The following WDR82 variants were observed in gnomAD, a reference collection of about 807,000 sequenced individuals.
The protein encoded by WDR82 is WD repeat domain 82, also known as WD repeat-containing protein 82.
A neutral mutation model predicts 36.1 loss-of-function variants in WDR82; 8 were observed. The ratio of observed to expected loss-of-function variants is 0.22; its 90% CI spans 0.13 to 0.40. The LOEUF (loss-of-function observed/expected upper bound fraction) is 0.40. WDR82 is among the 10% of genes least tolerant of loss of function. The probability of loss-of-function intolerance (pLI) is 1.00; values close to 1 mark genes in which losing one functional copy is unlikely to be tolerated. For synonymous variants in WDR82, 129 were observed against 137.8 expected (o/e 0.94, Z 0.45); for missense variants, 185 against 400.5 (o/e 0.46, Z 4.59).
intron 3 of WDR82, among the ~76,000 whole-genome samples, chr3:52,264,222 A>G (rs1044812677): frequency 6.6e-6 from 1 of 152,196 alleles, no homozygotes; most frequent in South Asian, 2.1e-4. Context: ...CTGATAATAG[A>G]CATGAGCTAA....
intron 3 of WDR82, among the ~76,000 whole-genome samples, chr3:52,265,869 G>A (rs1367308500): frequency 6.6e-6 from 1 of 151,920 alleles, no homozygotes; most frequent in Non-Finnish European, 1.5e-5. Flanking sequence ...AAGCCACCAC[G>A]CCTGGCCTGG....
intron 8 of WDR82, 59 bp downstream of exon 8, chr3:52,258,477 C>T: frequency 6.2e-7 from 1 of 1,604,356 alleles, no homozygotes; most frequent in East Asian, 2.2e-5. Context: ...TGTTGAGGCA[C>T]CCACCACCCC....
At chr3:52,276,973 G>T (rs1700208645) in intron 1 of WDR82, among the ~76,000 whole-genome samples, 2 of 147,782 alleles carry the variant, frequency 1.4e-5, no homozygotes, top group South Asian at 4.3e-4. Context: ...ATTCACAAAT[G>T]AAGAGATATG....
At position 52,255,413 on chromosome 3, in the gene WDR82, A is replaced by G. The variant is rs1225002237; in HGVS notation, c.*2077T>C. ...TGGTTCCAAGCACTCTCTCTTAACA[A>G]TCATTCCTACTGTGAATTTTCTACC... On this transcript the variant is annotated 3_prime_UTR_variant, in exon 9 of 9. Transcript: ENST00000296490. 2.0e-5 allele frequency: 3 copies of G among 152,114 alleles called. No individual in the cohort carries two copies. Among genetic ancestry groups the G allele is most frequent in the Non-Finnish European group, 2.9e-5 (2 of 68,036 alleles). The allele number at this position is 152,114 out of a possible 1,614,324, so 9.4% of individuals were successfully genotyped here. A position where few individuals can be genotyped will look rare whatever the true frequency, so the allele number is the denominator to read the frequency against.
intron 2 of WDR82, among the ~76,000 whole-genome samples, chr3:52,270,047 C>T (rs968297480): frequency 5.9e-5 from 9 of 152,202 alleles, no homozygotes; most frequent in Non-Finnish European, 1.2e-4. Flanking sequence ...TCTCAAATCT[C>T]TATCATTTTA....
intron 3 of WDR82, among the ~76,000 whole-genome samples, chr3:52,263,876 A>C (rs1700082251): frequency 6.6e-6 from 1 of 152,216 alleles, no homozygotes; most frequent in Non-Finnish European, 1.5e-5. Flanking sequence ...TAAAACATGT[A>C]GGTGGTGCTG....
intron 3 of WDR82, among the ~76,000 whole-genome samples, chr3:52,265,485 C>G (rs1366592976): frequency 6.6e-6 from 1 of 151,668 alleles, no homozygotes; most frequent in East Asian, 1.9e-4. Flanking sequence ...CATCCTTTGT[C>G]TGAAACCAGT....
chr3:52,262,270 CAG>C (rs936108668), intron 3 of WDR82, among the ~76,000 whole-genome samples: 2 of 152,258 alleles, frequency 1.3e-5, no homozygotes, highest in African/African-American at 4.8e-5. Context: ...CTAATGGGTA[CAG>C]AGTTTCTCTT....
rs776521817 is a variant in WDR82, at chr3:52,259,273, C to G, written c.700-7G>C. 1 of 1,613,778 alleles carries G rather than the reference C, an allele frequency of 6.2e-7. No homozygotes were observed. Among genetic ancestry groups the G allele is most frequent in the Admixed American group, 1.7e-5 (1 of 59,858 alleles). ...CTTTGCTGTTGGCATAACCCTAAAA[C>G]AAAACAGAGCAGTTCTTTTGTTCTT... On this transcript the variant is annotated splice_region_variant and splice_polypyrimidine_tract_variant and intron_variant, in intron 6 of 8. Transcript: ENST00000296490.
rs749019645 is a variant in WDR82 at position 52,278,272 on chromosome 3, G to A, written c.90C>T (p.Ser30=). Reference sequence around the variant, plus strand: ...TCGAGATGACCGTCTCGCCGTTGGGGCTGAAATCGAAGCAGTTAATCTTGT... The same window carrying A: ...TCGAGATGACCGTCTCGCCGTTGGGACTGAAATCGAAGCAGTTAATCTTGT... The part of the protein sequence containing the change: ...NSDKINCFDF[S]PNGETVISSS... The change falls in exon 1 of 9, where the codon AGC becomes AGT. Residue 30 remains serine (S), a synonymous_variant. Coordinates refer to ENST00000296490, the MANE Select transcript of WDR82 (RefSeq NM_025222.4). The A allele has an allele frequency of 1.1e-5, 17 of 1,611,498 alleles. No homozygotes were observed. In the Middle Eastern group the frequency reaches 8.2e-4, roughly 78 times the overall value.
At chr3:52,260,579 C>T (rs1284866231) in intron 4 of WDR82, 78 bp from the exon 5 acceptor site, 8 of 946,050 alleles carry the variant, frequency 8.5e-6, no homozygotes, top group Non-Finnish European at 1.1e-5. Flanking sequence ...ACTGCTGGTA[C>T]AATGGGGAAA....
At chr3:52,258,435 AT>A in intron 8 of WDR82, 100 bp downstream of exon 8, 1 of 1,334,334 alleles carries the variant, frequency 7.5e-7, no homozygotes, top group Non-Finnish European at 1.1e-6. Context: ...GATGCTTGTA[AT>A]GTACCTATGT....
chr3:52,268,021 G>A (rs943381911), intron 2 of WDR82: 4 of 222,080 alleles, frequency 1.8e-5, no homozygotes, highest in African/African-American at 6.8e-5. Context: ...TCTAATAAGA[G>A]GGCATTTAAC....
chr3:52,258,724 C>A, intron 7 of WDR82, 46 bp from the exon 8 acceptor site: 1 of 1,611,374 alleles, frequency 6.2e-7, no homozygotes, highest in Non-Finnish European at 8.5e-7. Flanking sequence ...AGGCGCAATA[C>A]AAAGACAACT....
At chr3:52,263,704 TAAC>T (rs1383053467) in intron 3 of WDR82, among the ~76,000 whole-genome samples, 1 of 152,092 alleles carries the variant, frequency 6.6e-6, no homozygotes, top group Non-Finnish European at 1.5e-5. Flanking sequence ...AAGAGTGAAC[TAAC>T]AACAGATGCT....
At chr3:52,260,851 G>T (rs1355311884) in intron 4 of WDR82, among the ~76,000 whole-genome samples, 1 of 152,244 alleles carries the variant, frequency 6.6e-6, no homozygotes, top group Non-Finnish European at 1.5e-5. Context: ...CATTAAGCCA[G>T]CTGGGCGCAG....
intron 3 of WDR82, among the ~76,000 whole-genome samples, chr3:52,263,403 G>C (rs946857445): frequency 6.6e-6 from 1 of 152,236 alleles, no homozygotes; most frequent in Non-Finnish European, 1.5e-5. Flanking sequence ...AGAAAATGCT[G>C]AGAAAATGGG....
chr3:52,260,356 T>G, intron 5 of WDR82, 29 bp downstream of exon 5: 1 of 1,480,678 alleles, frequency 6.8e-7, no homozygotes. Flanking sequence ...AAAAAACAGC[T>G]CAAAGATCTC....
rs148590414 is a variant in WDR82, at chr3:52,271,234, G to A, written c.162-425C>T. On this transcript the variant is annotated intron_variant, in intron 1 of 8. Transcript: ENST00000296490. Reference sequence around the variant, plus strand: ...TTTTAAATCCCTTAAACTGTTTTACGGCACCTTTTCTATGTTTAGATACAC... The same window carrying A: ...TTTTAAATCCCTTAAACTGTTTTACAGCACCTTTTCTATGTTTAGATACAC... Among the ~76,000 whole-genome samples, 244 of 152,178 alleles carry A rather than the reference G, an allele frequency of 1.6e-3. 1 individual carries two copies. The highest frequency in any genetic ancestry group is 5.6e-3 in the African/African-American group (234 of 41,498).
Sources: allele counts gnomAD v4.1 joint callset (sites outside exome capture counted in the v4.1 genomes callset), GRCh38; gene constraint gnomAD v4.1.1; transcripts MANE v1.5; gene names NCBI Gene and HGNC (gene_info 2026-07-23, HGNC 2026-07-21).